The following THSD4 variants were observed in gnomAD, a reference collection of about 807,000 sequenced individuals.
THSD4 encodes the protein thrombospondin type-1 domain-containing protein 4.
THSD4 carries 69 observed loss-of-function variants against 119.0 expected under a neutral mutation model. The ratio of observed to expected loss-of-function variants is 0.58; its 90% CI spans 0.48 to 0.71. THSD4 has a LOEUF of 0.71. THSD4 is among the 30% of genes least tolerant of loss of function. The probability of loss-of-function intolerance (pLI) is 0.00; values close to 1 mark genes in which losing one functional copy is unlikely to be tolerated. For missense variants in THSD4, 1,393 were observed against 1,391.1 expected (o/e 1.00, Z -0.02); for synonymous variants, 524 against 540.4 (o/e 0.97, Z 0.42).
intron 6 of THSD4, among the ~76,000 whole-genome samples, chr15:71,282,764 G>A (rs1227988569): frequency 6.6e-6 from 1 of 152,022 alleles, no homozygotes; most frequent in Admixed American, 6.5e-5. Context: ...GATCCATGAA[G>A]GCATCCCCAA....
At chr15:71,488,437 C>T (rs1191293822) in intron 7 of THSD4, among the ~76,000 whole-genome samples, 1 of 152,176 alleles carries the variant, frequency 6.6e-6, no homozygotes, top group Non-Finnish European at 1.5e-5. Flanking sequence ...CGTCAGAAAA[C>T]TTAGACGTTT....
chr15:71,328,667 C>G (rs1007346898), intron 6 of THSD4, among the ~76,000 whole-genome samples: 3 of 152,132 alleles, frequency 2.0e-5, no homozygotes, highest in African/African-American at 7.2e-5. Context: ...TGGAAAAAGT[C>G]CACTTTCCAT....
intron 6 of THSD4, among the ~76,000 whole-genome samples, chr15:71,329,531 C>G (rs1053748965): frequency 2.0e-5 from 3 of 152,138 alleles, no homozygotes; most frequent in African/African-American, 7.2e-5. Flanking sequence ...GTTTCTTCAG[C>G]CAAAAGGCGA....
intron 7 of THSD4, among the ~76,000 whole-genome samples, chr15:71,504,965 G>A (rs2048166797): frequency 6.6e-6 from 1 of 152,166 alleles, no homozygotes; most frequent in Admixed American, 6.5e-5. Flanking sequence ...CAGGTGTGTT[G>A]TAGAGTGTCC....
At chr15:71,493,454 G>T (rs2047956096) in intron 7 of THSD4, among the ~76,000 whole-genome samples, 1 of 152,162 alleles carries the variant, frequency 6.6e-6, no homozygotes, top group African/African-American at 2.4e-5. Flanking sequence ...CCTTTCATGT[G>T]ATCTTTATCA....
intron 7 of THSD4, among the ~76,000 whole-genome samples, chr15:71,659,686 A>G (rs776800617): frequency 3.2e-4 from 48 of 152,190 alleles, no homozygotes; most frequent in Admixed American, 5.9e-4. Flanking sequence ...TGCTGAGACT[A>G]CAGACATGAG....
At chr15:71,126,106 G>C (rs942440144) in intron 1 of THSD4, among the ~76,000 whole-genome samples, 1 of 152,224 alleles carries the variant, frequency 6.6e-6, no homozygotes, top group African/African-American at 2.4e-5. Flanking sequence ...TCACTAACTT[G>C]TTTGACGTCC....
chr15:71,199,843 C>CTGTGTGTGATGCACGTGTGGGGTGTGTG (rs2043777763), intron 3 of THSD4, among the ~76,000 whole-genome samples: 2 of 81,080 alleles, frequency 2.5e-5, no homozygotes, highest in Non-Finnish European at 4.7e-5. Flanking sequence ...TGTGTGTGTG[C>CTGTGTGTGATGCACGTGTGGGGTGTGTG]TGTGTGTGAT....
At chr15:71,728,043 A>T (rs2052897621) in intron 8 of THSD4, among the ~76,000 whole-genome samples, 1 of 152,028 alleles carries the variant, frequency 6.6e-6, no homozygotes, top group Admixed American at 6.6e-5. Flanking sequence ...CCTGGTTTAT[A>T]AGAGAAGCCA....
At chr15:71,374,351 T>C (rs141869553) in intron 6 of THSD4, among the ~76,000 whole-genome samples, 2 of 152,374 alleles carry the variant, frequency 1.3e-5, no homozygotes, top group Non-Finnish European at 2.9e-5. Flanking sequence ...GTGTGCTATC[T>C]TCTGGGGAGA....
intron 6 of THSD4, among the ~76,000 whole-genome samples, chr15:71,394,452 T>A (rs1032170200): frequency 6.6e-6 from 1 of 152,134 alleles, no homozygotes; most frequent in Admixed American, 6.5e-5. Flanking sequence ...TTTGTATTTT[T>A]AGTAGAGACG....
intron 2 of THSD4, among the ~76,000 whole-genome samples, chr15:71,149,927 T>G (rs1010475501): frequency 6.6e-6 from 1 of 152,106 alleles, no homozygotes; most frequent in African/African-American, 2.4e-5. Context: ...AGCATTATTT[T>G]CTACATGGGG....
At chr15:71,331,529 G>A (rs574862091) in intron 6 of THSD4, among the ~76,000 whole-genome samples, 6 of 152,270 alleles carry the variant, frequency 3.9e-5, no homozygotes, top group South Asian at 4.1e-4. Context: ...ACCATGGGGC[G>A]GGGTGAGCTG....
In THSD4 at chr15:71,226,930, T is replaced by C. The variant is rs527631397; in HGVS notation, c.464+11531T>C. Among the ~76,000 whole-genome samples, 4 of 152,356 alleles carry C rather than the reference T, an allele frequency of 2.6e-5. No homozygotes were observed. The South Asian group carries it at 8.3e-4, about 32-fold the overall frequency. On this transcript the variant is annotated intron_variant, in intron 4 of 17. Transcript: ENST00000261862. ...TACTTCAAGGGAATTTTTGTGTGTT[T>C]TTTTTTACCTTCTGAAGCAGGAATA...
At chr15:71,584,804 T>C (rs1236105096) in intron 7 of THSD4, among the ~76,000 whole-genome samples, 1 of 152,196 alleles carries the variant, frequency 6.6e-6, no homozygotes, top group Non-Finnish European at 1.5e-5. Flanking sequence ...TCATTTGCAA[T>C]TTGACAATTT....
At chr15:71,491,594 C>T (rs1263619644) in intron 7 of THSD4, among the ~76,000 whole-genome samples, 1 of 152,162 alleles carries the variant, frequency 6.6e-6, no homozygotes, top group Non-Finnish European at 1.5e-5. Flanking sequence ...ATTTATGGCC[C>T]AGCATGGTGG....
intron 17 of THSD4, among the ~76,000 whole-genome samples, chr15:71,776,546 G>A (rs1402549754): frequency 6.6e-6 from 1 of 152,176 alleles, no homozygotes; most frequent in African/African-American, 2.4e-5. Flanking sequence ...GAATTCTTCT[G>A]TTTCACTGAC....
intron 7 of THSD4, among the ~76,000 whole-genome samples, chr15:71,521,209 C>T (rs2048435923): frequency 6.6e-6 from 1 of 152,126 alleles, no homozygotes; most frequent in Admixed American, 6.5e-5. Context: ...TCTTTTAATT[C>T]CAGTAAATGA....
At chr15:71,411,558 A>G in intron 6 of THSD4, 129 bp from the exon 7 acceptor site, 8 of 1,018,766 alleles carry the variant, frequency 7.9e-6, no homozygotes, top group South Asian at 6.8e-5. Flanking sequence ...GTTGGTTAAA[A>G]TGCTTAATTT....
Sources: allele counts gnomAD v4.1 joint callset (sites outside exome capture counted in the v4.1 genomes callset), GRCh38; gene constraint gnomAD v4.1.1; transcripts MANE v1.5; gene names NCBI Gene and HGNC (gene_info 2026-07-23, HGNC 2026-07-21).